USP33: variants seen among roughly 807,000 people sequenced by gnomAD.
USP33 encodes ubiquitin carboxyl-terminal hydrolase 33.
USP33 carries 46 observed loss-of-function variants against 124.2 expected under a neutral mutation model. The observed-to-expected ratio is 0.37, with a 90% confidence interval of 0.29 to 0.47. The LOEUF is 0.47. USP33 is among the 20% of genes least tolerant of loss of function. The pLI is 0.99. For synonymous variants in USP33, 350 were observed against 352.3 expected, an observed-to-expected ratio of 0.99 and a Z score of 0.07; for missense variants, 851 against 1,070.6, an observed-to-expected ratio of 0.79 and a Z score of 2.86.
chr1:77,752,058 C>T (rs1397101176), intron 1 of USP33, among the ~76,000 whole-genome samples: 1 of 152,006 alleles, frequency 6.6e-6, no homozygotes, highest in Non-Finnish European at 1.5e-5. Context: ...AAATTCTGAC[C>T]CCTTATCCTA....
chr1:77,717,803 C>T (rs2101341315), intron 17 of USP33, 64 bp downstream of exon 17: 2 of 1,417,046 alleles, frequency 1.4e-6, no homozygotes, highest in South Asian at 3.7e-5. Flanking sequence ...TATGAGCCAC[C>T]ACGCCCAGGC....
intron 22 of USP33, 133 bp from the exon 23 acceptor site, chr1:77,698,064 A>G (rs1673592771): frequency 3.1e-6 from 2 of 646,628 alleles, no homozygotes; most frequent in Non-Finnish European, 5.1e-6. Flanking sequence ...TATTATAGTT[A>G]ATTCTTTTTT....
At chr1:77,738,854 T>G (rs906878464) in intron 5 of USP33, among the ~76,000 whole-genome samples, 3 of 152,026 alleles carry the variant, frequency 2.0e-5, no homozygotes, top group Non-Finnish European at 2.9e-5. Flanking sequence ...CAATAATAAG[T>G]AAAATGTTCA....
chr1:77,710,490 T>G (rs1029547201), intron 21 of USP33, among the ~76,000 whole-genome samples: 4 of 152,238 alleles, frequency 2.6e-5, no homozygotes, highest in Admixed American at 2.0e-4. Context: ...AAAAAACTAT[T>G]TTTAATATTC....
At chr1:77,700,877 T>G (rs1156390924) in intron 22 of USP33, among the ~76,000 whole-genome samples, 1 of 152,056 alleles carries the variant, frequency 6.6e-6, no homozygotes, top group Non-Finnish European at 1.5e-5. Context: ...ATTTTTGTAT[T>G]TTTAGTAGAG....
chr1:77,743,192 G>A (rs1275029874), intron 1 of USP33, among the ~76,000 whole-genome samples: 5 of 151,964 alleles, frequency 3.3e-5, no homozygotes, highest in Non-Finnish European at 2.9e-5. Flanking sequence ...TGATCCACCC[G>A]CCTCAGTCTC....
At position 77,728,373 on chromosome 1, in the gene USP33, C is replaced by T; in HGVS notation, c.1057G>A (p.Asp353Asn). 6.2e-7 allele frequency: 1 copy of T among 1,613,910 alleles called. No homozygotes were observed. The highest frequency in any genetic ancestry group is 1.3e-5 in the African/African-American group (1 of 75,048). Residue 353 changes from aspartate to asparagine, a missense_variant, in exon 10 of 24, where the codon GAT becomes AAT. By Grantham distance (23) the Asp-to-Asn change is conservative (BLOSUM62 1). Transcript: ENST00000370794. ...ACTGTTTCAGATATAGAGTCTCTAT[C>T]TTTATCAAATTCGCCTTCAGAATTT... is the stretch of plus-strand genomic sequence containing the variant. Reference protein sequence around the residue: ...KVNSEGEFDKDRDSISETVDL... With the variant: ...KVNSEGEFDKNRDSISETVDL...
intron 11 of USP33, 128 bp from the exon 12 acceptor site, chr1:77,723,571 T>C (rs1388681615): frequency 3.2e-6 from 2 of 631,910 alleles, no homozygotes; most frequent in Non-Finnish European, 5.3e-6. Context: ...AAAATTACTG[T>C]GTTGAAAATT....
At chr1:77,697,722 G>T in intron 23 of USP33, 141 bp downstream of exon 23, 1 of 1,007,330 alleles carries the variant, frequency 9.9e-7, no homozygotes, top group Non-Finnish European at 1.4e-6. Flanking sequence ...AAAAGTGGCT[G>T]CTTTTCATTA....
At chr1:77,733,391 TA>T (rs755662137) in intron 7 of USP33, among the ~76,000 whole-genome samples, 301 of 127,770 alleles carry the variant, frequency 2.4e-3, no homozygotes, top group Admixed American at 3.0e-3. Context: ...AGACCCAGCC[TA>T]AAAAAAAAAA....
intron 21 of USP33, among the ~76,000 whole-genome samples, chr1:77,706,703 G>A (rs1674670320): frequency 6.6e-6 from 1 of 152,122 alleles, no homozygotes; most frequent in Non-Finnish European, 1.5e-5. Flanking sequence ...GTTTTTTTGT[G>A]TGGGTGGCAA....
intron 16 of USP33, 76 bp downstream of exon 16, chr1:77,718,520 T>C: frequency 8.7e-7 from 1 of 1,155,996 alleles, no homozygotes; most frequent in Admixed American, 2.1e-5. Flanking sequence ...AAAGAGAATT[T>C]ATTACTACAT....
In USP33 at chr1:77,701,442, A is replaced by G. The variant is rs374497334; in HGVS notation, c.2436T>C (p.Ser812=). 1.7e-5 allele frequency: 27 copies of G among 1,613,042 alleles called. No homozygotes were observed. The highest frequency in any genetic ancestry group is 3.3e-5 in the Admixed American group (2 of 59,764). ...TACTGATGCAATAAAAAGTAGCTGG[A>G]GAGTCCTCTTTTTGGAACGCTCTGT... The part of the protein sequence containing the change: ...RLNRAFQKED[S]PATFYCISMQ... The change falls in exon 22 of 24, where the codon TCT becomes TCC. Residue 812 remains serine, a synonymous_variant. Transcript: ENST00000370794.
intron 15 of USP33, among the ~76,000 whole-genome samples, chr1:77,720,782 T>C (rs1481146747): frequency 3.3e-5 from 5 of 152,216 alleles, no homozygotes; most frequent in Non-Finnish European, 7.3e-5. Context: ...CGTATGCCAT[T>C]GTTAACAGCA....
chr1:77,729,160 C>G (rs1349795888), intron 9 of USP33, among the ~76,000 whole-genome samples: 1 of 152,098 alleles, frequency 6.6e-6, no homozygotes, highest in Non-Finnish European at 1.5e-5. Context: ...CCTACCTCGG[C>G]CTTCTGAAGT....
rs1394895567 is a variant in USP33 at position 77,702,162 on chromosome 1, AAAAAAAAAAAAAAAAC to A, written c.2407-707_2407-692del. On this transcript the variant is annotated intron_variant, in intron 21 of 23. Coordinates refer to ENST00000370794, the MANE Select transcript of USP33 (RefSeq NM_201624.3). ...GTCTCAAAAAAAAAAAAAAAAAAAA[AAAAAAAAAAAAAAAAC>A]CAGTGGTACAGTAAGATGTATGCTA... Among the ~76,000 whole-genome samples, 237 of 145,374 alleles carry A rather than the reference AAAAAAAAAAAAAAAAC, an allele frequency of 1.6e-3. 2 individuals are homozygous for A. Among genetic ancestry groups the A allele is most frequent in the Non-Finnish European group, 2.5e-3 (168 of 66,448 alleles).
intron 1 of USP33, among the ~76,000 whole-genome samples, chr1:77,742,214 G>T (rs528953578): frequency 6.6e-6 from 1 of 151,972 alleles, no homozygotes; most frequent in Non-Finnish European, 1.5e-5. Flanking sequence ...CCTACTGATG[G>T]CATAAATTAA....
At position 77,751,983 on chromosome 1, in the gene USP33, G is replaced by A. The variant is rs145394450; in HGVS notation, c.-52+7660C>T. Among the ~76,000 whole-genome samples, 1,310 of 149,952 alleles carry A rather than the reference G, an allele frequency of 8.7e-3. 10 individuals carry two copies. The highest frequency in any genetic ancestry group is 0.079 in the Middle Eastern group (23 of 290). On this transcript the variant is annotated intron_variant, in intron 1 of 23. Transcript: ENST00000370794. The stretch of plus-strand genomic sequence containing the variant: ...GATTACAGGCTTGAGCCACCGCGCC[G>A]CGCCCGAAGATATTACTTTTAAGGG...
At chr1:77,720,538 A>C in intron 15 of USP33, 1 of 985,426 alleles carries the variant, frequency 1.0e-6, no homozygotes, top group Non-Finnish European at 1.2e-6. Flanking sequence ...TACTGCCAAG[A>C]ACTAGAAGTC....
Sources: gnomAD v4.1 joint callset for allele counts (sites outside exome capture counted in the v4.1 genomes callset) on GRCh38, gnomAD v4.1.1 for gene constraint, MANE v1.5 for transcripts, NCBI Gene and HGNC (gene_info 2026-07-23, HGNC 2026-07-21) for gene names.